Variants in DSC3 observed in about 807,000 individuals in gnomAD.
The protein encoded by DSC3 is desmocollin-3.
DSC3 carries 97 observed loss-of-function variants against 89.5 expected under a neutral mutation model. That is an observed-to-expected ratio of 1.08 (90% CI 0.92 to 1.28). The LOEUF is 1.28. Among genes scored for constraint, DSC3 ranks in the 50% most tolerant of loss-of-function variants. DSC3 has a pLI of 0.00. For missense variants in DSC3, 1,199 were observed against 1,085.3 expected (o/e 1.10, Z -1.47); for synonymous variants, 436 against 384.1 (o/e 1.14, Z -1.58).
intron 7 of DSC3, 42 bp from the exon 8 acceptor site, chr18:31,018,842 T>G: frequency 1.2e-6 from 2 of 1,602,712 alleles, no homozygotes; most frequent in South Asian, 2.2e-5. Flanking sequence ...GAAAAATTTT[T>G]GGTAGATTTA....
chr18:31,029,103 C>T (rs994069666), intron 4 of DSC3, among the ~76,000 whole-genome samples: 2 of 152,114 alleles, frequency 1.3e-5, no homozygotes, highest in Non-Finnish European at 2.9e-5. Flanking sequence ...ACCAAATCAC[C>T]CAACATCTCT....
At chr18:31,034,519 C>T (rs1011831425) in intron 1 of DSC3, among the ~76,000 whole-genome samples, 1 of 152,140 alleles carries the variant, frequency 6.6e-6, no homozygotes, top group Admixed American at 6.5e-5. Flanking sequence ...CCAGCAAGTC[C>T]ACTCTTCCTA....
At position 31,041,770 on chromosome 18, in the gene DSC3, G is replaced by T. The variant is rs868704226; in HGVS notation, c.69+822C>A. On this transcript the variant is annotated intron_variant, in intron 1 of 15. Coordinates refer to ENST00000360428, the MANE Select transcript of DSC3 (RefSeq NM_001941.5). The stretch of plus-strand genomic sequence containing the variant: ...CTCCTAGAGGATTTCGTCCTGGGCG[G>T]CAGGTTTCCGTAGACTCGAAACCCC... Among the ~76,000 whole-genome samples, 2 of 152,124 alleles carry T rather than the reference G, an allele frequency of 1.3e-5. 1 individual carries two copies. The highest frequency in any genetic ancestry group is 4.1e-4 in the South Asian group (2 of 4,822).
intron 7 of DSC3, among the ~76,000 whole-genome samples, chr18:31,021,241 T>A (rs979351747): frequency 4.6e-5 from 7 of 152,174 alleles, no homozygotes; most frequent in African/African-American, 1.2e-4. Flanking sequence ...AACCTCATTT[T>A]AAAAAATTTG....
At position 31,027,602 on chromosome 18, in the gene DSC3, C is replaced by T. The variant is rs576158941; in HGVS notation, c.475-1687G>A. On this transcript the variant is annotated intron_variant, in intron 4 of 15. Transcript: ENST00000360428. ...ATCTTTTCTCTGATGCTGGTTGGTG[C>T]AGTTCAGAGACTGTTCTGAAGTTTC... Among the ~76,000 whole-genome samples, 5 of 152,124 alleles carry T rather than the reference C, an allele frequency of 3.3e-5. No homozygotes were observed. The South Asian group carries it at 6.2e-4, about 19-fold the overall frequency.
Position 31,008,374 on chromosome 18 carries a change from G to C in DSC3, c.1415C>G (p.Thr472Ser). The change falls in exon 10 of 16, where the codon ACT becomes AGT. Residue 472 changes from threonine (T) to serine (S), a missense_variant. Coordinates refer to ENST00000360428, the MANE Select transcript of DSC3 (RefSeq NM_001941.5). ...AATCCGCACATATTGGGCTGCAGGAGTGCATTCAGGCCCCTCATCCAGATC... is the reference window on the plus strand; with the variant it reads ...AATCCGCACATATTGGGCTGCAGGACTGCATTCAGGCCCCTCATCCAGATC... Reference protein sequence around the residue: ...VRDLDEGPECTPAAQYVRIKE... With the variant: ...VRDLDEGPECSPAAQYVRIKE... 1 of 1,614,106 alleles carries C rather than the reference G, an allele frequency of 6.2e-7. No individual in the cohort carries two copies. The highest frequency in any genetic ancestry group is 8.5e-7 in the Non-Finnish European group (1 of 1,180,024).
At chr18:31,029,964 T>C (rs1011413704) in intron 3 of DSC3, among the ~76,000 whole-genome samples, 2 of 152,098 alleles carry the variant, frequency 1.3e-5, no homozygotes, top group African/African-American at 4.8e-5. Flanking sequence ...TACAACAATC[T>C]CCAGATAGCA....
chr18:31,033,008 T>G (rs1455638469), intron 1 of DSC3, among the ~76,000 whole-genome samples: 2 of 152,150 alleles, frequency 1.3e-5, no homozygotes, highest in African/African-American at 2.4e-5. Flanking sequence ...AACATGTGAC[T>G]GCATTTCTGT....
chr18:31,036,270 G>A (rs951509591), intron 1 of DSC3, among the ~76,000 whole-genome samples: 2 of 151,948 alleles, frequency 1.3e-5, no homozygotes, highest in African/African-American at 2.4e-5. Flanking sequence ...CAACCTAATG[G>A]CTGTTTTAAT....
intron 7 of DSC3, among the ~76,000 whole-genome samples, chr18:31,021,956 A>C (rs796830469): frequency 9.2e-5 from 14 of 152,230 alleles, no homozygotes; most frequent in African/African-American, 3.4e-4. Flanking sequence ...AAAAGTATAT[A>C]TATCTATAAT....
chr18:31,015,942 T>A (rs561772926), intron 9 of DSC3, among the ~76,000 whole-genome samples: 1 of 152,182 alleles, frequency 6.6e-6, no homozygotes, highest in African/African-American at 2.4e-5. Context: ...CCAGCCACAA[T>A]CAGTTAAACC....
In DSC3 at chr18:30,994,349, A is replaced by T; in HGVS notation, c.2517T>A (p.Asn839Lys). The change falls in exon 16 of 16, where the codon AAT becomes AAA. Residue 839 changes from asparagine (N) to lysine (K), a missense_variant. Transcript: ENST00000360428. Reference protein sequence around the residue: ...LGEKLHRCNQNEDRMPSQDYV... With the variant: ...LGEKLHRCNQKEDRMPSQDYV... ...AATCTTGGGATGGCATGCGGTCTTC[A>T]TTCTGATTACATCGATGCAATTTCT... is the stretch of plus-strand genomic sequence containing the variant. 6.2e-7 allele frequency: 1 copy of T among 1,614,096 alleles called. No individual in the cohort carries two copies. The highest frequency in any genetic ancestry group is 8.5e-7 in the Non-Finnish European group (1 of 1,179,976).
At position 31,032,544 on chromosome 18, in the gene DSC3, TTC is replaced by T. The variant is rs1567961568; in HGVS notation, c.70-270_70-269del. On this transcript the variant is annotated intron_variant, in intron 1 of 15. Coordinates refer to ENST00000360428, the MANE Select transcript of DSC3 (RefSeq NM_001941.5). ...ATGATGTCTGCTCTGCTCTAACTGC[TTC>T]TGTGTGTATGTGTGTGTGTGTGTGT... 7.4e-3 allele frequency among the ~76,000 whole-genome samples: 1,047 copies of T among 142,436 alleles called. 17 individuals carry two copies. The highest frequency in any genetic ancestry group is 0.026 in the African/African-American group (1,007 of 38,182). 93.4% of individuals were successfully genotyped at this position (142,436 alleles called of 152,430 possible).
At chr18:31,020,678 C>T (rs1387093367) in intron 7 of DSC3, among the ~76,000 whole-genome samples, 2 of 152,080 alleles carry the variant, frequency 1.3e-5, no homozygotes, top group East Asian at 1.9e-4. Context: ...TGCCATGGCT[C>T]ATGCCTGTAA....
chr18:31,021,205 G>A (rs967265056), intron 7 of DSC3, among the ~76,000 whole-genome samples: 1 of 152,022 alleles, frequency 6.6e-6, no homozygotes, highest in Non-Finnish European at 1.5e-5. Context: ...CTTACAAGTT[G>A]TGGACCCCTA....
chr18:31,007,219 G>T, intron 11 of DSC3, 88 bp from the exon 12 acceptor site: 2 of 884,598 alleles, frequency 2.3e-6, no homozygotes, highest in Non-Finnish European at 3.6e-6. Context: ...TTCTATACAT[G>T]ATCTGTTTTT....
Position 30,992,678 on chromosome 18 carries a change from G to A in DSC3, c.*1497C>T, listed in dbSNP as rs909845881. ...CCTACTTGGGCTGCTTTCTCCCAAA[G>A]TTCCCTCTGTTCTAAAATGACAACT... On this transcript the variant is annotated 3_prime_UTR_variant, in exon 16 of 16. Coordinates refer to ENST00000360428, the MANE Select transcript of DSC3 (RefSeq NM_001941.5). 6.6e-6 allele frequency: 1 copy of A among 152,242 alleles called. No individual in the cohort carries two copies. The highest frequency in any genetic ancestry group is 2.4e-5 in the African/African-American group (1 of 41,464). 9.4% of individuals were successfully genotyped at this position (152,242 alleles called of 1,614,324 possible).
chr18:31,016,243 G>C (rs1369266035), intron 9 of DSC3, among the ~76,000 whole-genome samples: 1 of 152,158 alleles, frequency 6.6e-6, no homozygotes, highest in Non-Finnish European at 1.5e-5. Flanking sequence ...TCTGCCTAGT[G>C]AGCAGCCCTG....
chr18:30,998,092 C>G (rs1225798577), intron 14 of DSC3, among the ~76,000 whole-genome samples: 1 of 152,130 alleles, frequency 6.6e-6, no homozygotes, highest in African/African-American at 2.4e-5. Context: ...AAACACATTT[C>G]AAAAATATCA....
Sources: gnomAD v4.1 joint callset for allele counts (sites outside exome capture counted in the v4.1 genomes callset) on GRCh38, gnomAD v4.1.1 for gene constraint, MANE v1.5 for transcripts, NCBI Gene and HGNC (gene_info 2026-07-23, HGNC 2026-07-21) for gene names.